Variants in AKR1C3 observed in about 807,000 individuals in gnomAD.
AKR1C3 encodes the protein 3-alpha hydroxysteroid dehydrogenase, type II.
A neutral mutation model predicts 43.6 loss-of-function variants in AKR1C3; 48 were observed. The observed-to-expected ratio is 1.10, with a 90% CI of 0.87 to 1.40. AKR1C3 has a LOEUF of 1.40. Among genes scored for constraint, AKR1C3 ranks in the 40% most tolerant of loss-of-function variants. The probability of loss-of-function intolerance (pLI) is 0.00; values close to 1 mark genes in which losing one functional copy is unlikely to be tolerated. For synonymous variants in AKR1C3, 162 were observed against 139.6 expected (o/e 1.16, Z -1.13); for missense variants, 482 against 391.2 (o/e 1.23, Z -1.96).
chr10:5,063,340 G>A (rs868917875), intron 1 of AKR1C3, among the ~76,000 whole-genome samples: 2 of 151,998 alleles, frequency 1.3e-5, no homozygotes, highest in African/African-American at 2.4e-5. Context: ...TTATTAAATC[G>A]TATGTCATCC....
rs781954502 is a variant in AKR1C3 at position 5,105,572 on chromosome 10, TAAA to T, written c.847-21_847-19del. The stretch of plus-strand genomic sequence containing the variant: ...TTCACAACTGGCAATCTAAAAATAA[TAAA>T]AGTTTTTTATTTCTGATAGGTTTTT... On this transcript the variant is annotated intron_variant, in intron 7 of 8. Coordinates refer to ENST00000380554, the MANE Select transcript of AKR1C3 (RefSeq NM_003739.6). 1.3e-6 allele frequency: 2 copies of T among 1,593,798 alleles called. No homozygotes were observed. The highest frequency in any genetic ancestry group is 1.7e-5 in the Admixed American group (1 of 58,834).
At chr10:5,065,470 T>G (rs1554780702) in intron 1 of AKR1C3, among the ~76,000 whole-genome samples, 2 of 152,224 alleles carry the variant, frequency 1.3e-5, no homozygotes, top group Non-Finnish European at 2.9e-5. Context: ...AGGAGTTGAT[T>G]GTGTTACCGA....
chr10:5,088,329 A>C (rs1351383531), intron 1 of AKR1C3, among the ~76,000 whole-genome samples: 3 of 151,880 alleles, frequency 2.0e-5, no homozygotes, highest in Admixed American at 1.3e-4. Context: ...AATGATTATG[A>C]TGTCCATTTG....
intron 5 of AKR1C3, among the ~76,000 whole-genome samples, chr10:5,101,572 C>G (rs1168940284): frequency 6.6e-6 from 1 of 152,164 alleles, no homozygotes. Flanking sequence ...GATTATCTCA[C>G]TCATTACTCT....
At chr10:5,076,610 C>T (rs1838718962) in intron 1 of AKR1C3, among the ~76,000 whole-genome samples, 1 of 152,004 alleles carries the variant, frequency 6.6e-6, no homozygotes, top group African/African-American at 2.4e-5. Context: ...TGAAATTTTC[C>T]TGTTGTCTTT....
chr10:5,075,518 G>A (rs1838699026), intron 1 of AKR1C3, among the ~76,000 whole-genome samples: 1 of 151,918 alleles, frequency 6.6e-6, no homozygotes, highest in Admixed American at 6.6e-5. Flanking sequence ...TTGATCTACT[G>A]GTAGACACTT....
intron 1 of AKR1C3, chr10:5,080,973 A>G (rs1371438108): frequency 1.3e-5 from 2 of 151,326 alleles, no homozygotes; most frequent in African/African-American, 4.9e-5. Context: ...TTTGGCAGAT[A>G]GAGGGCTGAG....
At chr10:5,072,848 G>A (rs901270653) in intron 1 of AKR1C3, among the ~76,000 whole-genome samples, 2 of 152,136 alleles carry the variant, frequency 1.3e-5, no homozygotes, top group Non-Finnish European at 2.9e-5. Flanking sequence ...TGCATGTAAG[G>A]ATTATATTTC....
At chr10:5,062,506 G>A (rs1554780337) in intron 1 of AKR1C3, among the ~76,000 whole-genome samples, 2 of 152,196 alleles carry the variant, frequency 1.3e-5, no homozygotes, top group African/African-American at 4.8e-5. Context: ...CTACATCTCC[G>A]TATTAGTGTC....
At chr10:5,054,706 T>C (rs1838222478) in intron 1 of AKR1C3, among the ~76,000 whole-genome samples, 1 of 152,196 alleles carries the variant, frequency 6.6e-6, no homozygotes, top group East Asian at 1.9e-4. Context: ...ACTCCTTCTC[T>C]TTGTCTCTTT....
rs28943574 is a variant in AKR1C3 at position 5,096,556 on chromosome 10, A to G, written c.231A>G (p.Glu77=). 6.2e-7 allele frequency: 1 copy of G among 1,613,634 alleles called. No homozygotes were observed. Among genetic ancestry groups the G allele is most frequent in the African/African-American group, 1.3e-5 (1 of 75,020 alleles). ...SKIADGSVKR[E]DIFYTSKLWS... is the part of the protein sequence containing the mutation. The stretch of plus-strand genomic sequence containing the variant: ...TTGCAGATGGCAGTGTGAAGAGAGA[A>G]GACATATTCTACACTTCAAAGGTAC... The change falls in exon 2 of 9, where the codon GAA becomes GAG. Residue 77 remains glutamate, a synonymous_variant. Coordinates refer to ENST00000380554, the MANE Select transcript of AKR1C3 (RefSeq NM_003739.6).
At chr10:5,051,912 T>C (rs782702054) in intron 1 of AKR1C3, among the ~76,000 whole-genome samples, 5 of 152,246 alleles carry the variant, frequency 3.3e-5, no homozygotes, top group Non-Finnish European at 7.3e-5. Context: ...CATTATTGTA[T>C]GTTTTCTTTC....
At chr10:5,101,975 C>G (rs1005159724) in intron 5 of AKR1C3, 126 bp from the exon 6 acceptor site, 1 of 613,788 alleles carries the variant, frequency 1.6e-6, no homozygotes, top group Admixed American at 3.2e-5. Context: ...TATTACTTGA[C>G]AATAATATCC....
chr10:5,057,336 C>T (rs185333923), intron 1 of AKR1C3, among the ~76,000 whole-genome samples: 6,549 of 152,252 alleles, frequency 0.043, 219 homozygotes, highest in Non-Finnish European at 0.068. Flanking sequence ...TTTCTCTGAT[C>T]ATGCTTTTCC....
At chr10:5,099,479 G>T in intron 5 of AKR1C3, 30 bp downstream of exon 5, 1 of 1,613,916 alleles carries the variant, frequency 6.2e-7, no homozygotes, top group Non-Finnish European at 8.5e-7. Context: ...TCTCCTTTCG[G>T]TTCTTCATGC....
chr10:5,102,737 G>T (rs1160272210), intron 7 of AKR1C3, 87 bp downstream of exon 7: 19 of 1,491,338 alleles, frequency 1.3e-5, no homozygotes, highest in Non-Finnish European at 1.6e-5. Flanking sequence ...ACAGCCTTGG[G>T]CCAGCTCCAT....
At chr10:5,060,939 C>T (rs1281823545) in intron 1 of AKR1C3, among the ~76,000 whole-genome samples, 4 of 152,242 alleles carry the variant, frequency 2.6e-5, no homozygotes, top group African/African-American at 9.6e-5. Flanking sequence ...GCTCCAAGTG[C>T]AGGGCCTGCT....
At chr10:5,101,950 T>G (rs1305036279) in intron 5 of AKR1C3, 151 bp from the exon 6 acceptor site, 1 of 562,392 alleles carries the variant, frequency 1.8e-6, no homozygotes, top group Non-Finnish European at 3.1e-6. Context: ...TAAAATTTAT[T>G]TCTATGAAAA....
At chr10:5,106,053 G>A (rs1839492509) in intron 8 of AKR1C3, among the ~76,000 whole-genome samples, 1 of 152,174 alleles carries the variant, frequency 6.6e-6, no homozygotes, top group African/African-American at 2.4e-5. Flanking sequence ...AACCTGCTCA[G>A]CTCCTTATCA....
Sources: allele counts gnomAD v4.1 joint callset (sites outside exome capture counted in the v4.1 genomes callset), GRCh38; gene constraint gnomAD v4.1.1; transcripts MANE v1.5; gene names NCBI Gene and HGNC (gene_info 2026-07-23, HGNC 2026-07-21).